Variants in B4GALT6 observed in about 807,000 individuals in gnomAD.
B4GALT6 encodes UDP-Gal:beta-GlcNAc beta-1,4-galactosyltransferase 6.
Under a neutral mutation model 46.3 loss-of-function variants are expected in B4GALT6, and 14 were observed. That is an observed-to-expected ratio of 0.30 (90% CI 0.20 to 0.47). The LOEUF is 0.47. Among genes scored for constraint, B4GALT6 ranks in the 20% least tolerant of loss-of-function variants. The pLI, the probability that B4GALT6 is intolerant of heterozygous loss-of-function variation, is 0.99. For synonymous variants in B4GALT6, 168 were observed against 162.0 expected, an observed-to-expected ratio of 1.04 and a Z score of -0.28; for missense variants, 386 against 480.1, an observed-to-expected ratio of 0.80 and a Z score of 1.83.
At position 31,627,089 on chromosome 18, in the gene B4GALT6, C is replaced by T; in HGVS notation, c.809G>A (p.Ser270Asn). ...TCTAAATTGTTCCACTGTCAGCCCA[C>T]TTACACCACCAAAAAATTCTTTATA... Reference protein sequence around the residue: ...LPYKEFFGGVSGLTVEQFRKI... With the variant: ...LPYKEFFGGVNGLTVEQFRKI... The change falls in exon 7 of 9, where the codon AGT (serine) becomes AAT (asparagine). Residue 270 changes from serine to asparagine, a missense_variant. Physicochemically the swap from Ser to Asn is conservative, Grantham distance 46. Transcript: ENST00000306851. The T allele has an allele frequency of 1.2e-6, 2 of 1,608,356 alleles. No individual in the cohort carries two copies. Among genetic ancestry groups the T allele is most frequent in the East Asian group, 2.2e-5 (1 of 44,664 alleles).
At chr18:31,709,711 A>G in the B4GALT6 span, among the ~76,000 whole-genome samples, 1 of 151,786 alleles carries the variant, frequency 6.6e-6, no homozygotes, top group African/African-American at 2.4e-5. Flanking sequence ...ATGCTCTAAG[A>G]TACCGACAAT....
chr18:31,652,774 T>G (rs2074088811), intron 3 of B4GALT6, among the ~76,000 whole-genome samples: 1 of 152,162 alleles, frequency 6.6e-6, no homozygotes, highest in Non-Finnish European at 1.5e-5. Context: ...TAGGTTCTTT[T>G]TTGTGCCTTC....
chr18:31,724,318 T>G, the B4GALT6 span: 1 of 557,360 alleles, frequency 1.8e-6, no homozygotes, highest in Non-Finnish European at 2.7e-6. Flanking sequence ...GCAACTATTG[T>G]GGCTACTAGT....
the B4GALT6 span, among the ~76,000 whole-genome samples, chr18:31,700,395 T>C: frequency 6.6e-6 from 1 of 151,914 alleles, no homozygotes; most frequent in East Asian, 1.9e-4. Flanking sequence ...GAATATACTT[T>C]TGCTTCAAGT....
chr18:31,699,761 G>C, the B4GALT6 span, among the ~76,000 whole-genome samples: 1 of 151,452 alleles, frequency 6.6e-6, no homozygotes, highest in South Asian at 2.1e-4. Context: ...AACGAACAAA[G>C]ACTGAACAAT....
chr18:31,633,302 A>C (rs1667275), intron 5 of B4GALT6, among the ~76,000 whole-genome samples: 1 of 151,930 alleles, frequency 6.6e-6, no homozygotes, highest in Admixed American at 6.5e-5. Flanking sequence ...CACCAGCGAT[A>C]AAGTTGCTCC....
At chr18:31,696,664 C>A in the B4GALT6 span, among the ~76,000 whole-genome samples, 35 of 152,284 alleles carry the variant, frequency 2.3e-4, no homozygotes, top group Admixed American at 5.9e-4. Context: ...GTTTTAAACA[C>A]CATCAAATTG....
chr18:31,629,242 G>A (rs2073743169), intron 6 of B4GALT6, among the ~76,000 whole-genome samples: 1 of 152,046 alleles, frequency 6.6e-6, no homozygotes, highest in African/African-American at 2.4e-5. Flanking sequence ...AGCTTTTGGG[G>A]AGTCAAAAGT....
At chr18:31,717,846 C>A in the B4GALT6 span, among the ~76,000 whole-genome samples, 19 of 150,012 alleles carry the variant, frequency 1.3e-4, no homozygotes, top group Middle Eastern at 3.5e-3. Context: ...CCCAGCTACT[C>A]GGGAGGCTGA....
intron 8 of B4GALT6, 54 bp downstream of exon 8, chr18:31,626,229 C>A (rs2073694858): frequency 9.5e-7 from 1 of 1,056,842 alleles, no homozygotes; most frequent in South Asian, 1.7e-5. Context: ...ATTTACCTTT[C>A]ATTTATTCAA....
rs1484637669 is a variant in B4GALT6, at chr18:31,631,125, G to A, written c.610C>T (p.Arg204Cys). Residue 204 changes from arginine to cysteine, a missense_variant, in exon 6 of 9, where the codon CGT (arginine) becomes TGT (cysteine). Arg to Cys is a radical substitution (Grantham distance 180, BLOSUM62 -3). Around this residue, in one of 2 missense-constraint regions of B4GALT6, gnomAD observed 323 missense variants for 438.9 expected, o/e 0.74. Coordinates refer to ENST00000306851, the MANE Select transcript of B4GALT6 (RefSeq NM_004775.5). ...IEQTGTQPFN[R>C]AMLFNVGFKE... The stretch of plus-strand genomic sequence containing the variant: ...AAGCCCACATTGAAAAGCATCGCAC[G>A]GTTAAAAGGTTGTGTGCCAGTCTTC... The A allele has an allele frequency of 3.1e-6, 5 of 1,612,882 alleles. No individual in the cohort carries two copies. Among genetic ancestry groups the A allele is most frequent in the African/African-American group, 1.3e-5 (1 of 74,744 alleles).
chr18:31,639,722 A>G (rs1348548578), intron 4 of B4GALT6, among the ~76,000 whole-genome samples: 2 of 152,200 alleles, frequency 1.3e-5, no homozygotes, highest in Non-Finnish European at 1.5e-5. Context: ...TGTACATGGA[A>G]ATGAAAATAG....
chr18:31,695,995 A>G, the B4GALT6 span, among the ~76,000 whole-genome samples: 2 of 152,272 alleles, frequency 1.3e-5, no homozygotes, highest in African/African-American at 2.4e-5. Context: ...GAAAGATTAT[A>G]TCAAGAATGA....
chr18:31,626,287 C>A lies in B4GALT6; in HGVS notation c.997G>T (p.Gly333Ter). ...HHHRGEVQFL[G>*]RYKLLRYSKE... ...TGAAGATGACATTCAACTTACCGTC[C>A]TAAAAACTGGACTTCACCTCTATGG... The change falls in exon 8 of 9, where the codon GGA (glycine) becomes TGA (stop). Residue 333 changes from glycine to a stop codon, truncating the protein, a stop_gained. Transcript: ENST00000306851. LOFTEE classifies it high-confidence loss of function. 1 of 1,566,332 alleles carries A rather than the reference C, an allele frequency of 6.4e-7. No individual in the cohort carries two copies.
At chr18:31,626,176 G>GAA in intron 8 of B4GALT6, 107 bp downstream of exon 8, 1 of 596,548 alleles carries the variant, frequency 1.7e-6, no homozygotes, top group Non-Finnish European at 2.8e-6. Context: ...CTTCCATTAT[G>GAA]AAAATTCCCT....
upstream of B4GALT6, chr18:31,684,710 C>G: frequency 8.8e-7 from 1 of 1,137,000 alleles, no homozygotes; most frequent in Non-Finnish European, 1.1e-6. Context: ...GACGGCAGGA[C>G]GGAAGAAAGC....
upstream of B4GALT6, chr18:31,686,015 T>C (rs2029906302): frequency 6.6e-6 from 1 of 152,286 alleles, no homozygotes; most frequent in African/African-American, 2.4e-5. Context: ...CAGCCCCATC[T>C]TGCTTCAGTA....
chr18:31,677,565 T>G (rs2074428264), intron 1 of B4GALT6, among the ~76,000 whole-genome samples: 1 of 152,218 alleles, frequency 6.6e-6, no homozygotes, highest in Non-Finnish European at 1.5e-5. Context: ...ATGGGTATCC[T>G]CAGAAAACCT....
the B4GALT6 span, among the ~76,000 whole-genome samples, chr18:31,692,667 C>T: frequency 2.0e-5 from 3 of 152,096 alleles, no homozygotes; most frequent in Non-Finnish European, 4.4e-5. Context: ...CAAAAAAAGA[C>T]ATGATTGGTA....
Sources: allele counts gnomAD v4.1 joint callset (sites outside exome capture counted in the v4.1 genomes callset), GRCh38; gene constraint gnomAD v4.1.1; regional missense constraint gnomAD v4.1.1; transcripts MANE v1.5; gene names NCBI Gene and HGNC (gene_info 2026-07-23, HGNC 2026-07-21).